PLXDC2: variants seen among roughly 807,000 people sequenced by gnomAD.
The protein encoded by PLXDC2 is plexin domain-containing protein 2.
Under a neutral mutation model 68.9 loss-of-function variants are expected in PLXDC2, and 40 were observed. The ratio of observed to expected loss-of-function variants is 0.58; its 90% CI spans 0.45 to 0.76. PLXDC2 has a LOEUF of 0.76. Among genes scored for constraint, PLXDC2 ranks in the 30% least tolerant of loss-of-function variants. The pLI is 0.00. For synonymous variants in PLXDC2, 243 were observed against 234.2 expected (o/e 1.04, Z -0.34); for missense variants, 644 against 661.9 (o/e 0.97, Z 0.30).
At chr10:20,156,278 T>G (rs889668744) in intron 6 of PLXDC2, among the ~76,000 whole-genome samples, 1 of 152,194 alleles carries the variant, frequency 6.6e-6, no homozygotes, top group Non-Finnish European at 1.5e-5. Flanking sequence ...GTGTTCCAAT[T>G]CAATGTGAGC....
At chr10:19,850,904 G>A (rs996386808) in intron 1 of PLXDC2, among the ~76,000 whole-genome samples, 2 of 152,100 alleles carry the variant, frequency 1.3e-5, no homozygotes, top group Non-Finnish European at 2.9e-5. Flanking sequence ...AGCAGACTCT[G>A]CATGTCATTC....
chr10:20,050,340 A>T (rs1427998854), intron 3 of PLXDC2, among the ~76,000 whole-genome samples: 1 of 152,174 alleles, frequency 6.6e-6, no homozygotes, highest in South Asian at 2.1e-4. Flanking sequence ...TGCACTCACA[A>T]TGAAAGCAAA....
At chr10:20,098,667 G>A (rs1833384138) in intron 4 of PLXDC2, among the ~76,000 whole-genome samples, 1 of 152,110 alleles carries the variant, frequency 6.6e-6, no homozygotes, top group Non-Finnish European at 1.5e-5. Context: ...TCCTGATATT[G>A]TTCAAGATGG....
intron 12 of PLXDC2, among the ~76,000 whole-genome samples, chr10:20,235,263 C>A (rs932347501): frequency 1.3e-5 from 2 of 152,140 alleles, no homozygotes; most frequent in East Asian, 3.8e-4. Flanking sequence ...TCCTTCTTTC[C>A]ATGAGTAATT....
chr10:20,029,448 G>C (rs1835462020), intron 2 of PLXDC2, among the ~76,000 whole-genome samples: 1 of 152,044 alleles, frequency 6.6e-6, no homozygotes, highest in Non-Finnish European at 1.5e-5. Flanking sequence ...TCTTATATTG[G>C]ACTATAGTCT....
rs1460764836 is a variant in PLXDC2 at position 20,289,806 on chromosome 10, T to C, written c.*9987T>C. On this transcript the variant is annotated 3_prime_UTR_variant, in exon 14 of 14. Transcript: ENST00000377252. The stretch of plus-strand genomic sequence containing the variant: ...ACCTCTGTATAGATCTTTTGGACTG[T>C]ACTGATTAAACTTTGATATTGTGGA... The C allele has an allele frequency of 6.6e-6, 1 of 152,182 alleles. No individual in the cohort carries two copies. Among genetic ancestry groups the C allele is most frequent in the African/African-American group, 2.4e-5 (1 of 41,434 alleles). The allele number at this position is 152,182 out of a possible 1,614,324, so 9.4% of individuals were successfully genotyped here.
At chr10:20,003,956 T>C (rs1302608503) in intron 2 of PLXDC2, among the ~76,000 whole-genome samples, 1 of 152,196 alleles carries the variant, frequency 6.6e-6, no homozygotes, top group African/African-American at 2.4e-5. Flanking sequence ...CATTGCGTGC[T>C]GGTACATTCT....
At chr10:20,175,779 C>T (rs930304006) in intron 7 of PLXDC2, among the ~76,000 whole-genome samples, 17 of 152,120 alleles carry the variant, frequency 1.1e-4, no homozygotes, top group African/African-American at 3.9e-4. Flanking sequence ...CTGCATTGAG[C>T]CATGATTGCA....
At chr10:20,163,040 G>C (rs1310756899) in intron 6 of PLXDC2, among the ~76,000 whole-genome samples, 1 of 151,784 alleles carries the variant, frequency 6.6e-6, no homozygotes, top group Non-Finnish European at 1.5e-5. Flanking sequence ...CTGGGAGATG[G>C]AGTGAGACTG....
intron 4 of PLXDC2, among the ~76,000 whole-genome samples, chr10:20,105,621 C>T (rs986393323): frequency 2.6e-5 from 4 of 152,180 alleles, no homozygotes; most frequent in Non-Finnish European, 4.4e-5. Context: ...CAAGAGTAAA[C>T]CCAAGGCTGT....
At chr10:19,882,165 T>C (rs1246790066) in intron 1 of PLXDC2, among the ~76,000 whole-genome samples, 3 of 152,254 alleles carry the variant, frequency 2.0e-5, no homozygotes, top group Non-Finnish European at 4.4e-5. Flanking sequence ...ATAATTTGAC[T>C]GTTTAAAATA....
chr10:20,213,076 AT>A (rs1835090215), intron 10 of PLXDC2, among the ~76,000 whole-genome samples: 1 of 152,068 alleles, frequency 6.6e-6, no homozygotes, highest in African/African-American at 2.4e-5. Context: ...TGAATCTTTT[AT>A]TTTTATGATG....
At chr10:20,179,084 A>C (rs1460524609) in intron 9 of PLXDC2, among the ~76,000 whole-genome samples, 1 of 152,146 alleles carries the variant, frequency 6.6e-6, no homozygotes, top group African/African-American at 2.4e-5. Flanking sequence ...TGTATATTTA[A>C]GGAACTCTCA....
intron 9 of PLXDC2, among the ~76,000 whole-genome samples, chr10:20,185,491 T>C (rs1834670366): frequency 6.6e-6 from 1 of 151,890 alleles, no homozygotes; most frequent in African/African-American, 2.4e-5. Context: ...AATTTTAAGA[T>C]TGAAAGGAGA....
intron 2 of PLXDC2, among the ~76,000 whole-genome samples, chr10:20,031,903 G>A (rs1835506909): frequency 6.6e-6 from 1 of 151,914 alleles, no homozygotes; most frequent in Non-Finnish European, 1.5e-5. Context: ...TCGGCCCACT[G>A]CAACCTCCCA....
At chr10:19,887,910 T>C (rs1173807150) in intron 1 of PLXDC2, among the ~76,000 whole-genome samples, 1 of 152,216 alleles carries the variant, frequency 6.6e-6, no homozygotes, top group African/African-American at 2.4e-5. Flanking sequence ...ATGACATTAA[T>C]GCTGAGCCAA....
At chr10:20,182,145 A>G (rs988147649) in intron 9 of PLXDC2, among the ~76,000 whole-genome samples, 1 of 151,788 alleles carries the variant, frequency 6.6e-6, no homozygotes, top group Non-Finnish European at 1.5e-5. Flanking sequence ...TAAAATACAC[A>G]CATTTTAAAT....
intron 1 of PLXDC2, among the ~76,000 whole-genome samples, chr10:19,951,022 G>T (rs548280980): frequency 6.6e-6 from 1 of 152,184 alleles, no homozygotes; most frequent in Non-Finnish European, 1.5e-5. Flanking sequence ...ATTTAAATGT[G>T]AGTCCTCAAA....
intron 9 of PLXDC2, among the ~76,000 whole-genome samples, chr10:20,197,665 A>T (rs1834858217): frequency 6.8e-6 from 1 of 147,364 alleles, no homozygotes; most frequent in Non-Finnish European, 1.5e-5. Flanking sequence ...CTTTATTTTT[A>T]TTTTTTTTCT....
Sources: gnomAD v4.1 joint callset for allele counts (sites outside exome capture counted in the v4.1 genomes callset) on GRCh38, gnomAD v4.1.1 for gene constraint, MANE v1.5 for transcripts, NCBI Gene and HGNC (gene_info 2026-07-23, HGNC 2026-07-21) for gene names.